Variants in TOMM70 observed in about 807,000 individuals in gnomAD.
The protein encoded by TOMM70 is mitochondrial import receptor subunit TOM70.
TOMM70 carries 13 observed loss-of-function variants against 73.6 expected under a neutral mutation model. That is an observed-to-expected ratio of 0.18 (90% CI 0.11 to 0.28). The LOEUF is 0.28. Ranked by LOEUF, TOMM70 falls within the 10% of genes least tolerant of loss-of-function variation. The probability of loss-of-function intolerance (pLI) is 1.00; values close to 1 mark genes in which losing one functional copy is unlikely to be tolerated. For synonymous variants in TOMM70, 257 were observed against 271.2 expected, an observed-to-expected ratio of 0.95 and a Z score of 0.51; for missense variants, 609 against 747.5, an observed-to-expected ratio of 0.81 and a Z score of 2.16.
At position 100,364,416 on chromosome 3, in the gene TOMM70, T is replaced by TA. The variant is rs1435610880; in HGVS notation, c.*1147dup. The stretch of plus-strand genomic sequence containing the variant: ...AATACTATGCTCTGGCTCCAAGTCT[T>TA]ACATCCTTTTTGACCCTTTAGCCAC... On this transcript the variant is annotated 3_prime_UTR_variant, in exon 12 of 12. Transcript: ENST00000284320. 1.3e-5 allele frequency: 2 copies of TA among 152,230 alleles called. No homozygotes were observed. The highest frequency in any genetic ancestry group is 2.9e-5 in the Non-Finnish European group (2 of 68,036). The allele number at this position is 152,230 out of a possible 1,614,324, so 9.4% of individuals were successfully genotyped here.
At chr3:100,373,142 TAA>T (rs58081220) in intron 8 of TOMM70, among the ~76,000 whole-genome samples, 145 of 135,052 alleles carry the variant, frequency 1.1e-3, no homozygotes, top group East Asian at 2.2e-3. Context: ...AATTTTTACT[TAA>T]AAAAAAAAAA....
Position 100,401,070 on chromosome 3 carries a change from G to A in TOMM70, c.-121C>T, listed in dbSNP as rs1016444555. On this transcript the variant is annotated 5_prime_UTR_variant, in exon 1 of 12. Coordinates refer to ENST00000284320, the MANE Select transcript of TOMM70 (RefSeq NM_014820.5). ...TGAGCGAGCGAGCACGCTAGGCAGA[G>A]AGAGCGGACGACAGAAAAGGGCCAG... is the stretch of plus-strand genomic sequence containing the variant. 6 of 1,111,328 alleles carry A rather than the reference G, an allele frequency of 5.4e-6. No homozygotes were observed. The highest frequency in any genetic ancestry group is 7.7e-6 in the Non-Finnish European group (6 of 779,084). 68.8% of individuals were successfully genotyped at this position (1,111,328 alleles called of 1,614,324 possible).
intron 11 of TOMM70, 64 bp from the exon 12 acceptor site, chr3:100,365,781 G>T (rs1706442605): frequency 1.9e-5 from 30 of 1,569,158 alleles, no homozygotes; most frequent in Non-Finnish European, 2.6e-5. Context: ...AATGAAGGTT[G>T]TAAGTGATGG....
rs374012718 is a variant in TOMM70, at chr3:100,369,091, A to G, written c.1497T>C (p.Tyr499=). 6.2e-6 allele frequency: 10 copies of G among 1,613,542 alleles called. No individual in the cohort carries two copies. Among genetic ancestry groups the G allele is most frequent in the Non-Finnish European group, 8.5e-6 (10 of 1,179,698 alleles). The change falls in exon 10 of 12, where the codon TAT becomes TAC. Residue 499 remains tyrosine, a synonymous_variant. Transcript: ENST00000284320. ...QQQFGKADEM[Y]DKCIDLEPDN... ...CTGGTTCCAAATCAATACATTTATC[A>G]TACATTTCATCAGCTTTACCAAACT...
In TOMM70 at chr3:100,372,734, C is replaced by A; in HGVS notation, c.1336-12G>T. On this transcript the variant is annotated splice_polypyrimidine_tract_variant and intron_variant, in intron 8 of 11. Transcript: ENST00000284320. ...TATGCCTGGCGGTACTATAAAAAAT[C>A]AAAACAGGCCTGTCAAATCAAGAAC... is the stretch of plus-strand genomic sequence containing the variant. 1 of 1,597,416 alleles carries A rather than the reference C, an allele frequency of 6.3e-7. No homozygotes were observed. Among genetic ancestry groups the A allele is most frequent in the South Asian group, 1.1e-5 (1 of 89,098 alleles).
chr3:100,395,619 G>A (rs1483757991), intron 1 of TOMM70, among the ~76,000 whole-genome samples: 3 of 150,674 alleles, frequency 2.0e-5, no homozygotes, highest in African/African-American at 7.3e-5. Context: ...AAAATGAAGA[G>A]CTGGAAAATT....
In TOMM70 at chr3:100,365,478, C is replaced by A; in HGVS notation, c.*86G>T. On this transcript the variant is annotated 3_prime_UTR_variant, in exon 12 of 12. Transcript: ENST00000284320. The stretch of plus-strand genomic sequence containing the variant: ...AACAGAAATACTGATTTCCACCATT[C>A]AACACAGTTCATGACAGTGTCTTTA... 1 of 1,532,696 alleles carries A rather than the reference C, an allele frequency of 6.5e-7. No homozygotes were observed. The highest frequency in any genetic ancestry group is 8.9e-7 in the Non-Finnish European group (1 of 1,121,496). The allele number at this position is 1,532,696 out of a possible 1,614,324, so 94.9% of individuals were successfully genotyped here. A position where few individuals can be genotyped will look rare whatever the true frequency, so the allele number is the denominator to read the frequency against.
rs141227349 is a variant in TOMM70 at position 100,376,369 on chromosome 3, G to GTTTTTTTTTTTTTT, written c.1093-1231_1093-1218dup. ...CTTGATGGTGTCTTTTCACACAGAA[G>GTTTTTTTTTTTTTT]TTTTTTTTTTTTTTTGAGACAGGAT... On this transcript the variant is annotated intron_variant, in intron 6 of 11. Transcript: ENST00000284320. Among the ~76,000 whole-genome samples, 97 of 121,756 alleles carry GTTTTTTTTTTTTTT rather than the reference G, an allele frequency of 8.0e-4. 12 individuals carry two copies. Among genetic ancestry groups the GTTTTTTTTTTTTTT allele is most frequent in the African/African-American group, 3.2e-3 (87 of 27,052 alleles). 79.9% of individuals were successfully genotyped at this position (121,756 alleles called of 152,430 possible). A position where few individuals can be genotyped will look rare whatever the true frequency, so the allele number is the denominator to read the frequency against.
At chr3:100,384,346 A>C (rs984494374) in intron 4 of TOMM70, 133 bp downstream of exon 4, 6 of 542,804 alleles carry the variant, frequency 1.1e-5, no homozygotes, top group Non-Finnish European at 1.9e-5. Flanking sequence ...GATAACAGGA[A>C]GAAGAAATAT....
At chr3:100,367,963 C>A in intron 11 of TOMM70, 81 bp downstream of exon 11, 1 of 1,409,838 alleles carries the variant, frequency 7.1e-7, no homozygotes. Context: ...ACATAACAGA[C>A]TTTAACATGT....
At chr3:100,392,310 C>T (rs1398243585) in intron 1 of TOMM70, among the ~76,000 whole-genome samples, 5 of 152,138 alleles carry the variant, frequency 3.3e-5, no homozygotes. Context: ...TACACACACA[C>T]ATAAATCCAA....
At chr3:100,385,348 A>C (rs1026961344) in intron 3 of TOMM70, among the ~76,000 whole-genome samples, 2 of 152,224 alleles carry the variant, frequency 1.3e-5, no homozygotes, top group African/African-American at 4.8e-5. Context: ...CTTTTCTAAA[A>C]CAACAGTCTT....
At chr3:100,394,581 G>A (rs1238991335) in intron 1 of TOMM70, among the ~76,000 whole-genome samples, 1 of 152,086 alleles carries the variant, frequency 6.6e-6, no homozygotes, top group African/African-American at 2.4e-5. Flanking sequence ...TCAGCTCATT[G>A]CAACCTCCAC....
chr3:100,377,843 T>G lies in TOMM70; in HGVS notation c.954A>C (p.Ser318=), dbSNP rs775751054. 4.3e-6 allele frequency: 7 copies of G among 1,614,218 alleles called. No individual in the cohort carries two copies. The Admixed American group carries it at 1.2e-4, about 27-fold the overall frequency. Residue 318 remains serine (S), a synonymous_variant, in exon 6 of 12, where the codon TCA becomes TCC. Transcript: ENST00000284320. ...ATTTGCCTTCAGCATCTATTTCTTT[T>G]GAGCATTCACTTATGATTTTATCGT... ...ENYDKIISEC[S]KEIDAEGKYM... is the part of the protein sequence containing the mutation.
rs572256752 is a variant in TOMM70, at chr3:100,400,611, G to A, written c.324+15C>T. The A allele has an allele frequency of 1.7e-5, 28 of 1,608,082 alleles. No individual in the cohort carries two copies. The highest frequency in any genetic ancestry group is 2.3e-5 in the Non-Finnish European group (27 of 1,178,010). Reference sequence around the variant, plus strand: ...GAGCCAGTTTCCTCCTCTACGGCCTGGGGCTGCTTCTCACCATGTCCAAGT... The same window carrying A: ...GAGCCAGTTTCCTCCTCTACGGCCTAGGGCTGCTTCTCACCATGTCCAAGT... On this transcript the variant is annotated intron_variant, in intron 1 of 11. Transcript: ENST00000284320.
rs1462076324 is a variant in TOMM70 at position 100,386,873 on chromosome 3, A to C, written c.430T>G (p.Cys144Gly). 6.2e-6 allele frequency: 10 copies of C among 1,614,176 alleles called. No homozygotes were observed. The highest frequency in any genetic ancestry group is 8.5e-6 in the Non-Finnish European group (10 of 1,180,020). ...AGGTCAACATTCTTCTCTGTAGGGC[A>C]CAAGCTAATAGCCTCAGTATAGCAC... ...IQCYTEAISLCPTEKNVDLST... is the reference protein window; with the variant it reads ...IQCYTEAISLGPTEKNVDLST... Residue 144 changes from cysteine to glycine, a missense_variant, in exon 2 of 12, where the codon TGC (cysteine) becomes GGC (glycine). Around this residue, in one of 2 missense-constraint regions of TOMM70, gnomAD observed 432 missense variants for 584.1 expected, o/e 0.74. Transcript: ENST00000284320.
intron 11 of TOMM70, among the ~76,000 whole-genome samples, chr3:100,366,786 G>A (rs758295272): frequency 9.9e-5 from 15 of 152,222 alleles, no homozygotes; most frequent in Non-Finnish European, 2.1e-4. Flanking sequence ...ATCTATGAAA[G>A]CCTTGAATTA....
intron 2 of TOMM70, 113 bp downstream of exon 2, chr3:100,386,692 A>T: frequency 7.7e-7 from 1 of 1,296,140 alleles, no homozygotes; most frequent in Non-Finnish European, 1.1e-6. Flanking sequence ...AACATCCCAT[A>T]ATTTTGAAAC....
chr3:100,394,324 G>C (rs945361981), intron 1 of TOMM70, among the ~76,000 whole-genome samples: 1 of 150,774 alleles, frequency 6.6e-6, no homozygotes, highest in Non-Finnish European at 1.5e-5. Context: ...TACTGTATGA[G>C]AAACAATGTT....
Sources: allele counts gnomAD v4.1 joint callset (sites outside exome capture counted in the v4.1 genomes callset), GRCh38; gene constraint gnomAD v4.1.1; regional missense constraint gnomAD v4.1.1; transcripts MANE v1.5; gene names NCBI Gene and HGNC (gene_info 2026-07-23, HGNC 2026-07-21).